STS: variants seen among roughly 807,000 people sequenced by gnomAD.
STS encodes the protein steroid sulfatase, also known as steryl-sulfatase.
STS carries 7 observed loss-of-function variants against 26.8 expected under a neutral mutation model. The ratio of observed to expected loss-of-function variants is 0.26; its 90% confidence interval spans 0.15 to 0.49. The LOEUF is 0.49. STS is among the 20% of genes least tolerant of loss of function. The probability of loss-of-function intolerance (pLI) is 0.98; values close to 1 mark genes in which losing one functional copy is unlikely to be tolerated. For synonymous variants in STS, 199 were observed against 189.4 expected (o/e 1.05, Z -0.42); for missense variants, 434 against 465.6 (o/e 0.93, Z 0.63).
intron 6 of STS, among the ~76,000 whole-genome samples, chrX:7,274,850 CTTG>C (rs1378545297): frequency 1.2e-4 from 14 of 112,021 alleles, no homozygotes; most frequent in South Asian, 1.1e-3. Flanking sequence ...TTCTAGGAGA[CTTG>C]TTGTATTATA....
chrX:7,197,472 G>A (rs763948580), intron 2 of STS, among the ~76,000 whole-genome samples: 10 of 111,093 alleles, frequency 9.0e-5, no homozygotes, highest in Non-Finnish European at 1.3e-4. Flanking sequence ...AGAGTAGGGC[G>A]TTCCCGAAGC....
In STS at chrX:7,345,261, T is replaced by G. The variant is rs1928476609; in HGVS notation, c.1364-4627T>G. 2.7e-5 allele frequency among the ~76,000 whole-genome samples: 3 copies of G among 111,812 alleles called. No homozygotes were observed. The South Asian group carries it at 1.1e-3, about 42-fold the overall frequency. ...TTACAGGGAGAAGGCCTGGAAAATA[T>G]TGCCCAGACCAACTCAAAATTGCAG... On this transcript the variant is annotated intron_variant, in intron 10 of 10. Coordinates refer to ENST00000674429, the MANE Select transcript of STS (RefSeq NM_001320752.2).
At chrX:7,149,213 A>G (rs1932957693) in intron 1 of STS, among the ~76,000 whole-genome samples, 1 of 110,144 alleles carries the variant, frequency 9.1e-6, no homozygotes, top group Non-Finnish European at 1.9e-5. Context: ...TGGGCAATAT[A>G]GCGAGACCCT....
chrX:7,243,699 AAGGGG>A (rs760542839), intron 2 of STS, among the ~76,000 whole-genome samples: 64 of 111,819 alleles, frequency 5.7e-4, no homozygotes, highest in Non-Finnish European at 9.6e-4. Context: ...TTTTTATGAA[AAGGGG>A]AGACCCCGAA....
chrX:7,256,754 C>A (rs1923428807), intron 3 of STS, among the ~76,000 whole-genome samples: 1 of 111,677 alleles, frequency 9.0e-6, no homozygotes, highest in Non-Finnish European at 1.9e-5. Flanking sequence ...CCCTCTGTAA[C>A]ATGAATGGAC....
At chrX:7,251,200 T>TAATTATGTG (rs1454283767) in intron 2 of STS, among the ~76,000 whole-genome samples, 3 of 111,320 alleles carry the variant, frequency 2.7e-5, no homozygotes, top group Non-Finnish European at 5.6e-5. Flanking sequence ...CCAGCCTCTG[T>TAATTATGTG]AATTATGTGG....
At chrX:7,311,950 C>G (rs1286588525) in intron 8 of STS, among the ~76,000 whole-genome samples, 1 of 111,544 alleles carries the variant, frequency 9.0e-6, no homozygotes, top group African/African-American at 3.3e-5. Flanking sequence ...TCGCTTGAGC[C>G]CAGGAAGTCG....
At chrX:7,231,957 T>A (rs1171317805) in intron 2 of STS, among the ~76,000 whole-genome samples, 1 of 111,069 alleles carries the variant, frequency 9.0e-6, no homozygotes, top group African/African-American at 3.3e-5. Context: ...ACTGCTCTTT[T>A]CATAGCCTAT....
intron 2 of STS, among the ~76,000 whole-genome samples, chrX:7,233,227 G>A (rs1922159969): frequency 9.2e-6 from 1 of 108,110 alleles, no homozygotes; most frequent in Non-Finnish European, 1.9e-5. Flanking sequence ...CCAAGCAGCT[G>A]GGATTATAGG....
intron 1 of STS, among the ~76,000 whole-genome samples, chrX:7,171,206 A>T (rs1403057808): frequency 8.9e-6 from 1 of 111,961 alleles, no homozygotes; most frequent in Non-Finnish European, 1.9e-5. Flanking sequence ...GCTGGCTTCC[A>T]GAATCCTGGC....
intron 1 of STS, among the ~76,000 whole-genome samples, chrX:7,162,820 G>A (rs1339978689): frequency 1.9e-5 from 2 of 104,012 alleles, no homozygotes; most frequent in African/African-American, 7.1e-5. Flanking sequence ...GCGGAGGCAG[G>A]TGGATCACGA....
chrX:7,289,586 A>T (rs186706936), intron 7 of STS, among the ~76,000 whole-genome samples: 1 of 111,468 alleles, frequency 9.0e-6, no homozygotes, highest in South Asian at 3.8e-4. Flanking sequence ...TTACCTGTGG[A>T]ATCTCATCTG....
intron 6 of STS, 33 bp from the exon 7 acceptor site, chrX:7,275,918 T>C (rs1045794491): frequency 4.3e-6 from 5 of 1,156,507 alleles, no homozygotes; most frequent in Non-Finnish European, 5.8e-6. Flanking sequence ...CTGTGGTCTT[T>C]TTTTTCCTCC....
intron 2 of STS, among the ~76,000 whole-genome samples, chrX:7,240,621 T>G (rs1379568760): frequency 9.6e-6 from 1 of 104,042 alleles, no homozygotes; most frequent in African/African-American, 3.5e-5. Flanking sequence ...TCCAGTATTT[T>G]TAATTGTTCC....
intron 2 of STS, among the ~76,000 whole-genome samples, chrX:7,204,966 TA>T (rs1934174066): frequency 1.8e-5 from 2 of 110,989 alleles, no homozygotes; most frequent in Admixed American, 9.7e-5. Flanking sequence ...AGACCATGGA[TA>T]GTCATGATTG....
At chrX:7,299,974 A>G (rs1395463689) in intron 7 of STS, among the ~76,000 whole-genome samples, 1 of 111,758 alleles carries the variant, frequency 8.9e-6, no homozygotes, top group Non-Finnish European at 1.9e-5. Flanking sequence ...CTCTCTCTGC[A>G]CTTTGTAGCT....
chrX:7,281,913 C>A (rs745697985), intron 7 of STS, among the ~76,000 whole-genome samples: 2 of 112,539 alleles, frequency 1.8e-5, no homozygotes, highest in South Asian at 7.3e-4. Flanking sequence ...TCCTCTGATT[C>A]AATATACGTA....
intron 8 of STS, among the ~76,000 whole-genome samples, chrX:7,317,445 A>C (rs888301158): frequency 4.6e-5 from 5 of 109,708 alleles, no homozygotes; most frequent in African/African-American, 1.7e-4. Context: ...ATCTGTGGGC[A>C]TATCTTTTGG....
chrX:7,351,646 A>T lies in STS; in HGVS notation c.*1385A>T, dbSNP rs1928800652. On this transcript the variant is annotated 3_prime_UTR_variant, in exon 11 of 11. Coordinates refer to ENST00000674429, the MANE Select transcript of STS (RefSeq NM_001320752.2). ...CTGCCATCCACCTGCTTATGCATTT[A>T]TCTCTTTTGTGGACTTGTCTGACCA... 8.9e-6 allele frequency: 1 copy of T among 111,785 alleles called. No individual in the cohort carries two copies. Among genetic ancestry groups the T allele is most frequent in the African/African-American group, 3.3e-5 (1 of 30,718 alleles). 9.2% of individuals were successfully genotyped at this position (111,785 alleles called of 1,213,427 possible).
Sources: allele counts gnomAD v4.1 joint callset (sites outside exome capture counted in the v4.1 genomes callset), GRCh38; gene constraint gnomAD v4.1.1; transcripts MANE v1.5; gene names NCBI Gene and HGNC (gene_info 2026-07-23, HGNC 2026-07-21).